RORB: variants seen among roughly 807,000 people sequenced by gnomAD.
RORB encodes nuclear receptor ROR-beta.
RORB carries 6 observed loss-of-function variants against 59.1 expected under a neutral mutation model. The ratio of observed to expected loss-of-function variants is 0.10; its 90% CI spans 0.06 to 0.20. The LOEUF is 0.20. Among genes scored for constraint, RORB ranks in the 10% least tolerant of loss-of-function variants. The pLI is 1.00. For synonymous variants in RORB, 215 were observed against 204.5 expected, an observed-to-expected ratio of 1.05 and a Z score of -0.44; for missense variants, 320 against 560.5, an observed-to-expected ratio of 0.57 and a Z score of 4.33.
rs1825728641 is a variant in RORB, at chr9:74,497,523, GTAAC to G, written c.-449_-446del. On this transcript the variant is annotated 5_prime_UTR_variant, in exon 1 of 10. An upstream open reading frame in the 5' UTR loses its in-frame stop. Transcript: ENST00000376896. ...CCCTTGTTCCTTCTCCCTCTTCTTT[GTAAC>G]TAACAAAACCACCACCAACTCCTCC... 1 of 187,046 alleles carries G rather than the reference GTAAC, an allele frequency of 5.3e-6. No individual in the cohort carries two copies. The highest frequency in any genetic ancestry group is 2.4e-5 in the African/African-American group (1 of 42,474). The allele number at this position is 187,046 out of a possible 1,614,324, so 11.6% of individuals were successfully genotyped here.
At chr9:74,660,779 C>T (rs745604288) in intron 5 of RORB, 41 bp downstream of exon 5, 1 of 1,589,734 alleles carries the variant, frequency 6.3e-7, no homozygotes, top group Non-Finnish European at 8.6e-7. Context: ...TGTGATTACC[C>T]TATTGCTGTG....
intron 1 of RORB, among the ~76,000 whole-genome samples, chr9:74,627,093 C>T (rs966790933): frequency 2.7e-5 from 4 of 148,284 alleles, no homozygotes; most frequent in African/African-American, 5.0e-5. Flanking sequence ...GCAGGGGAGG[C>T]GGAGGTTGCA....
intron 1 of RORB, among the ~76,000 whole-genome samples, chr9:74,573,512 C>A (rs968105151): frequency 6.7e-6 from 1 of 149,658 alleles, no homozygotes; most frequent in African/African-American, 2.5e-5. Flanking sequence ...CAGCAAACAG[C>A]GTTGGGATTT....
chr9:74,650,030 A>C (rs1342812906), intron 4 of RORB, among the ~76,000 whole-genome samples: 1 of 152,140 alleles, frequency 6.6e-6, no homozygotes, highest in African/African-American at 2.4e-5. Context: ...ACAACAACAA[A>C]ATCTTATTGA....
chr9:74,642,309 G>A, intron 3 of RORB, 105 bp from the exon 4 acceptor site: 1 of 1,104,316 alleles, frequency 9.1e-7, no homozygotes. Context: ...AGACATTTGT[G>A]CATTTGAAGT....
At chr9:74,589,431 G>A (rs1295833409) in intron 1 of RORB, among the ~76,000 whole-genome samples, 1 of 152,112 alleles carries the variant, frequency 6.6e-6, no homozygotes, top group Non-Finnish European at 1.5e-5. Flanking sequence ...TCAATGTTAA[G>A]AGCCCAGACC....
At chr9:74,668,696 G>A (rs757369017) in intron 8 of RORB, among the ~76,000 whole-genome samples, 4 of 152,272 alleles carry the variant, frequency 2.6e-5, no homozygotes, top group Non-Finnish European at 5.9e-5. Flanking sequence ...AGTGGAAGTG[G>A]ATCATCATAA....
At chr9:74,543,919 T>A (rs1158472906) in intron 1 of RORB, among the ~76,000 whole-genome samples, 1 of 152,204 alleles carries the variant, frequency 6.6e-6, no homozygotes, top group African/African-American at 2.4e-5. Flanking sequence ...TAAACTAGGC[T>A]GTGATGTGGA....
At chr9:74,644,278 C>T (rs185024982) in intron 4 of RORB, among the ~76,000 whole-genome samples, 2 of 152,156 alleles carry the variant, frequency 1.3e-5, no homozygotes, top group Non-Finnish European at 2.9e-5. Flanking sequence ...CCTGTAATGA[C>T]TTTCACAGCT....
intron 3 of RORB, among the ~76,000 whole-genome samples, chr9:74,636,118 A>G (rs989473732): frequency 3.3e-5 from 5 of 152,136 alleles, no homozygotes; most frequent in African/African-American, 1.2e-4. Context: ...TCCTAAGATA[A>G]ATTTATAGCA....
chr9:74,685,660 C>T lies in RORB; in HGVS notation c.*42C>T, dbSNP rs1314633132. 1 of 1,466,978 alleles carries T rather than the reference C, an allele frequency of 6.8e-7. No homozygotes were observed. The highest frequency in any genetic ancestry group is 2.3e-5 in the East Asian group (1 of 42,578). The allele number at this position is 1,466,978 out of a possible 1,614,324, so 90.9% of individuals were successfully genotyped here. ...GTCTCATAGTCATGGAATGCATCAC[C>T]ATTAAGACAAAAGCAATGTGTTCAT... On this transcript the variant is annotated 3_prime_UTR_variant, in exon 10 of 10. Coordinates refer to ENST00000376896, the MANE Select transcript of RORB (RefSeq NM_006914.4).
chr9:74,613,586 A>C (rs1294400243), intron 1 of RORB, among the ~76,000 whole-genome samples: 1 of 152,188 alleles, frequency 6.6e-6, no homozygotes, highest in Non-Finnish European at 1.5e-5. Flanking sequence ...AATCAATGAA[A>C]GTAAGAAGGA....
At chr9:74,596,343 A>T (rs1329153865) in intron 1 of RORB, among the ~76,000 whole-genome samples, 2 of 152,210 alleles carry the variant, frequency 1.3e-5, no homozygotes, top group African/African-American at 4.8e-5. Context: ...GCACAGTCAG[A>T]TAGCCTCTGT....
chr9:74,519,522 C>A (rs1170260342), intron 1 of RORB, among the ~76,000 whole-genome samples: 1 of 151,922 alleles, frequency 6.6e-6, no homozygotes, highest in East Asian at 1.9e-4. Context: ...GAGAACAGAA[C>A]AAAGATATGA....
rs1292600558 is a variant in RORB at position 74,642,653 on chromosome 9, G to A, written c.475G>A (p.Asp159Asn). The A allele has an allele frequency of 4.3e-6, 7 of 1,614,190 alleles. No individual in the cohort carries two copies. The highest frequency in any genetic ancestry group is 5.9e-6 in the Non-Finnish European group (7 of 1,180,036). The change falls in exon 4 of 10, where the codon GAT (aspartate) becomes AAT (asparagine). Residue 159 changes from aspartate to asparagine, a missense_variant. Asp to Asn is a conservative substitution (Grantham distance 23, BLOSUM62 1). Transcript: ENST00000376896. The part of the protein sequence containing the change: ...LPKSEGYYNV[D>N]SGQPSPDQSG... ...CAAGTCTGAGGGTTATTACAACGTC[G>A]ATTCCGGTCAGCCGTCCCCTGATCA...
At chr9:74,549,608 GAAAGGAAGGAAGGAAGGAAGAAAGGAAA>G (rs1826571114) in intron 1 of RORB, among the ~76,000 whole-genome samples, 10 of 49,124 alleles carry the variant, frequency 2.0e-4, no homozygotes, top group East Asian at 1.4e-3. Flanking sequence ...AAGGAAGGAA[GAAAGGAAGGAAGGAAGGAAGAAAGGAAA>G]GAAAGAAAGA....
chr9:74,516,525 A>C (rs1057281672), intron 1 of RORB, among the ~76,000 whole-genome samples: 2 of 152,020 alleles, frequency 1.3e-5, no homozygotes, highest in Admixed American at 6.6e-5. Context: ...TGAAAATGTT[A>C]GGGGCCTAGC....
rs138696432 is a variant in RORB at position 74,657,614 on chromosome 9, C to G, written c.638-3003C>G. The stretch of plus-strand genomic sequence containing the variant: ...ATGGTTATTTTCCTGCCCCTACCCC[C>G]AGACTAAGTTAGCCACTTTCTTCTT... On this transcript the variant is annotated intron_variant, in intron 4 of 9. Coordinates refer to ENST00000376896, the MANE Select transcript of RORB (RefSeq NM_006914.4). Among the ~76,000 whole-genome samples the G allele has an allele frequency of 9.2e-5, 14 of 152,316 alleles. 1 individual carries two copies. The East Asian group carries it at 2.7e-3, about 29-fold the overall frequency.
chr9:74,633,279 C>T (rs553546019), intron 2 of RORB, among the ~76,000 whole-genome samples: 19 of 152,082 alleles, frequency 1.2e-4, no homozygotes, highest in East Asian at 9.7e-4. Flanking sequence ...AAGGTGTTTG[C>T]CTCACTAGGC....
Sources: gnomAD v4.1 joint callset for allele counts (sites outside exome capture counted in the v4.1 genomes callset) on GRCh38, gnomAD v4.1.1 for gene constraint, MANE v1.5 for transcripts, NCBI Gene and HGNC (gene_info 2026-07-23, HGNC 2026-07-21) for gene names.